The following BAZ2B variants were observed in gnomAD, a reference collection of about 807,000 sequenced individuals.
BAZ2B encodes bromodomain adjacent to zinc finger domain 2B, also known as bromodomain adjacent to zinc finger domain protein 2B.
In BAZ2B, 91 loss-of-function variants were observed where a neutral mutation model predicts 246.0. The observed-to-expected ratio is 0.37, with a 90% CI of 0.31 to 0.44. The LOEUF is 0.44. Ranked by LOEUF, BAZ2B falls within the 20% of genes least tolerant of loss-of-function variation. BAZ2B has a pLI of 1.00. For missense variants in BAZ2B, 2,332 were observed against 2,533.7 expected (o/e 0.92, Z 1.71); for synonymous variants, 855 against 860.0 (o/e 0.99, Z 0.10).
At chr2:159,326,730 A>T (rs2063764608) in intron 34 of BAZ2B, among the ~76,000 whole-genome samples, 1 of 152,198 alleles carries the variant, frequency 6.6e-6, no homozygotes, top group African/African-American at 2.4e-5. Context: ...AATTACATGC[A>T]AAAAAGAACT....
At chr2:159,455,418 G>A (rs2075610219) in intron 3 of BAZ2B, among the ~76,000 whole-genome samples, 1 of 152,054 alleles carries the variant, frequency 6.6e-6, no homozygotes, top group South Asian at 2.1e-4. Context: ...ATTGCATTAA[G>A]TATGTTTTGT....
the BAZ2B span, among the ~76,000 whole-genome samples, chr2:159,683,149 T>C: frequency 6.6e-6 from 1 of 152,214 alleles, no homozygotes; most frequent in East Asian, 1.9e-4. Flanking sequence ...CCAAGCAGCA[T>C]GTCTAATGTC....
intron 2 of BAZ2B, among the ~76,000 whole-genome samples, chr2:159,484,609 G>C (rs1178715301): frequency 6.6e-6 from 1 of 152,206 alleles, no homozygotes; most frequent in East Asian, 1.9e-4. Context: ...AGGATTCAAT[G>C]ATCAGTTGTT....
At chr2:159,642,638 T>C in the BAZ2B span, among the ~76,000 whole-genome samples, 7 of 152,126 alleles carry the variant, frequency 4.6e-5, no homozygotes, top group East Asian at 1.3e-3. Context: ...AGGAATAAAT[T>C]ATAGAAAAAT....
At chr2:159,583,028 TTATACA>T (rs1479627629) in intron 1 of BAZ2B, among the ~76,000 whole-genome samples, 3 of 151,984 alleles carry the variant, frequency 2.0e-5, no homozygotes, top group African/African-American at 4.8e-5. Context: ...TACAAAATAC[TTATACA>T]TATAAGTAAA....
intron 2 of BAZ2B, among the ~76,000 whole-genome samples, chr2:159,519,223 T>C (rs868530187): frequency 0.023 from 1,009 of 43,962 alleles, 33 homozygotes; most frequent in Middle Eastern, 0.073. Context: ...TTTTTTTTTT[T>C]TTTTTTTTTT....
intron 13 of BAZ2B, among the ~76,000 whole-genome samples, chr2:159,415,519 G>GT (rs1325372682): frequency 6.6e-6 from 1 of 150,730 alleles, no homozygotes; most frequent in Non-Finnish European, 1.5e-5. Flanking sequence ...CAAATACACT[G>GT]TTATATTACC....
chr2:159,425,049 G>T (rs554557099), intron 13 of BAZ2B, among the ~76,000 whole-genome samples: 1 of 152,108 alleles, frequency 6.6e-6, no homozygotes, highest in African/African-American at 2.4e-5. Context: ...GATACATGAA[G>T]CTTGGAAAAC....
chr2:159,342,388 C>T (rs988137617), intron 31 of BAZ2B, among the ~76,000 whole-genome samples: 1 of 152,178 alleles, frequency 6.6e-6, no homozygotes, highest in African/African-American at 2.4e-5. Flanking sequence ...TGGGCTCAAG[C>T]CATTCTCCCA....
At chr2:159,690,121 A>G in the BAZ2B span, 5 of 540,200 alleles carry the variant, frequency 9.3e-6, no homozygotes, top group Non-Finnish European at 1.2e-5. Flanking sequence ...GACTCACTTC[A>G]AACACATGAC....
chr2:159,347,734 G>C, intron 30 of BAZ2B, 88 bp from the exon 31 acceptor site: 1 of 1,138,200 alleles, frequency 8.8e-7, no homozygotes, highest in South Asian at 1.5e-5. Context: ...AAAATTCTAG[G>C]AGACCCATGT....
intron 27 of BAZ2B, among the ~76,000 whole-genome samples, chr2:159,359,804 T>C (rs890042610): frequency 2.6e-5 from 4 of 152,128 alleles, no homozygotes; most frequent in Non-Finnish European, 5.9e-5. Context: ...TTTCAACACA[T>C]GGAAATCAAT....
rs186832117 is a variant in BAZ2B, at chr2:159,475,051, G to A, written c.145+3524C>T. Among the ~76,000 whole-genome samples the A allele has an allele frequency of 1.1e-3, 167 of 152,152 alleles. 1 individual carries two copies. Among genetic ancestry groups the A allele is most frequent in the Non-Finnish European group, 1.9e-3 (130 of 68,002 alleles). On this transcript the variant is annotated intron_variant, in intron 3 of 36. Transcript: ENST00000392783. ...TCTGTGTCTTGGGGTTGCTTTTCTTGAAGAGTATCTTTGTGTTCTCTGTAT... is the reference window on the plus strand; with the variant it reads ...TCTGTGTCTTGGGGTTGCTTTTCTTAAAGAGTATCTTTGTGTTCTCTGTAT...
rs533201046 is a variant in BAZ2B at position 159,442,589 on chromosome 2, GT to G, written c.697-3378del. The stretch of plus-strand genomic sequence containing the variant: ...CAGTGATATTAAATACATTCATAAT[GT>G]TGTGCAAACATCAGTGCTATCCATC... On this transcript the variant is annotated intron_variant, in intron 6 of 36. Transcript: ENST00000392783. Among the ~76,000 whole-genome samples the G allele has an allele frequency of 1.5e-4, 23 of 152,226 alleles. No homozygotes were observed. The South Asian group carries it at 2.7e-3, about 18-fold the overall frequency.
chr2:159,484,524 G>A (rs1338113851), intron 2 of BAZ2B, among the ~76,000 whole-genome samples: 3 of 152,188 alleles, frequency 2.0e-5, no homozygotes, highest in African/African-American at 7.2e-5. Context: ...AATTCTGAGC[G>A]CAAATAAAAA....
intron 2 of BAZ2B, among the ~76,000 whole-genome samples, chr2:159,502,939 T>A (rs1011145157): frequency 6.6e-6 from 1 of 152,204 alleles, no homozygotes; most frequent in Non-Finnish European, 1.5e-5. Flanking sequence ...GTTTGGGGAC[T>A]AACAAGTTTA....
chr2:159,652,777 C>G, the BAZ2B span, among the ~76,000 whole-genome samples: 1 of 150,980 alleles, frequency 6.6e-6, no homozygotes. Context: ...GGTACCATGC[C>G]TGGCTAATTT....
intron 6 of BAZ2B, among the ~76,000 whole-genome samples, chr2:159,440,517 G>GTT (rs34338793): frequency 7.8e-4 from 109 of 138,968 alleles, no homozygotes; most frequent in Admixed American, 1.2e-3. Context: ...AATGACTCTT[G>GTT]TTTTTTTTTT....
chr2:159,605,823 A>G (rs1428878400), intron 1 of BAZ2B, among the ~76,000 whole-genome samples: 3 of 152,158 alleles, frequency 2.0e-5, no homozygotes, highest in African/African-American at 7.2e-5. Context: ...TTCCCATTTC[A>G]CACACAGTAC....
Sources: gnomAD v4.1 joint callset for allele counts (sites outside exome capture counted in the v4.1 genomes callset) on GRCh38, gnomAD v4.1.1 for gene constraint, MANE v1.5 for transcripts, NCBI Gene and HGNC (gene_info 2026-07-23, HGNC 2026-07-21) for gene names.